The following PTPRK variants were observed in gnomAD, a reference collection of about 807,000 sequenced individuals.
PTPRK encodes the protein receptor-type tyrosine-protein phosphatase kappa.
Under a neutral mutation model 178.0 loss-of-function variants are expected in PTPRK, and 75 were observed. The ratio of observed to expected loss-of-function variants is 0.42; its 90% CI spans 0.35 to 0.51. The LOEUF (loss-of-function observed/expected upper bound fraction) is 0.51. Ranked by LOEUF, PTPRK falls within the 20% of genes least tolerant of loss-of-function variation. The probability of loss-of-function intolerance (pLI) is 0.02; values close to 1 mark genes in which losing one functional copy is unlikely to be tolerated. For missense variants in PTPRK, 1,441 were observed against 1,797.8 expected (o/e 0.80, Z 3.59); for synonymous variants, 637 against 620.6 (o/e 1.03, Z -0.39).
intron 1 of PTPRK, chr6:128,500,403 G>A (rs1855379468): frequency 6.6e-6 from 1 of 151,944 alleles, no homozygotes; most frequent in African/African-American, 2.4e-5. Flanking sequence ...GGCCACTACT[G>A]GTAAGCTTTC....
chr6:128,317,678 T>G (rs1240344044), intron 3 of PTPRK, among the ~76,000 whole-genome samples: 1 of 152,188 alleles, frequency 6.6e-6, no homozygotes, highest in Non-Finnish European at 1.5e-5. Context: ...GCTCCTTGAA[T>G]GCCTTCTTCT....
chr6:128,375,057 G>GCAT (rs567807048), intron 2 of PTPRK, among the ~76,000 whole-genome samples: 6,093 of 115,406 alleles, frequency 0.053, 169 homozygotes, highest in Non-Finnish European at 0.065. Context: ...TAGAAACACT[G>GCAT]CATTATTATT....
At chr6:128,104,750 A>T (rs982566974) in intron 7 of PTPRK, among the ~76,000 whole-genome samples, 3 of 152,348 alleles carry the variant, frequency 2.0e-5, no homozygotes, top group South Asian at 4.1e-4. Flanking sequence ...ATAAAATGAG[A>T]TTTAAACAAC....
At chr6:128,106,453 T>C (rs1789734509) in intron 7 of PTPRK, among the ~76,000 whole-genome samples, 2 of 152,202 alleles carry the variant, frequency 1.3e-5, no homozygotes, top group East Asian at 1.9e-4. Flanking sequence ...GCATGATTTC[T>C]GGATTACTTT....
At chr6:128,403,771 C>T (rs1364544227) in intron 1 of PTPRK, among the ~76,000 whole-genome samples, 5 of 152,096 alleles carry the variant, frequency 3.3e-5, no homozygotes, top group Admixed American at 3.3e-4. Flanking sequence ...ATTGCCAAAA[C>T]CAGTTTTACC....
chr6:128,326,348 A>G (rs1829562088), intron 2 of PTPRK, among the ~76,000 whole-genome samples: 2 of 152,186 alleles, frequency 1.3e-5, no homozygotes, highest in African/African-American at 4.8e-5. Context: ...TGGGAATTCC[A>G]TGTCTACAAA....
At chr6:128,252,245 A>C (rs1348684960) in intron 3 of PTPRK, among the ~76,000 whole-genome samples, 4 of 152,238 alleles carry the variant, frequency 2.6e-5, no homozygotes, top group Non-Finnish European at 5.9e-5. Context: ...TCCCTAATGT[A>C]ATCACTAAAA....
chr6:128,362,140 G>C (rs958544149), intron 2 of PTPRK, among the ~76,000 whole-genome samples: 8 of 152,184 alleles, frequency 5.3e-5, no homozygotes, highest in African/African-American at 1.9e-4. Flanking sequence ...GCATGGTGCT[G>C]AGCATGTCTG....
intron 1 of PTPRK, among the ~76,000 whole-genome samples, chr6:128,505,014 T>C (rs896683817): frequency 6.6e-6 from 1 of 151,994 alleles, no homozygotes; most frequent in Non-Finnish European, 1.5e-5. Context: ...AGATGTGCCA[T>C]AGAAGTTTTG....
At chr6:128,464,643 A>ATATATATATATGTATATG (rs1176235300) in intron 1 of PTPRK, among the ~76,000 whole-genome samples, 5 of 81,042 alleles carry the variant, frequency 6.2e-5, no homozygotes, top group African/African-American at 2.4e-4. Context: ...ATACACATAT[A>ATATATATATATGTATATG]TATATATATA....
At chr6:128,102,549 C>A (rs1218210069) in intron 7 of PTPRK, among the ~76,000 whole-genome samples, 1 of 152,154 alleles carries the variant, frequency 6.6e-6, no homozygotes, top group Non-Finnish European at 1.5e-5. Context: ...TGCAGAAAAT[C>A]TTCCCTGCCA....
intron 7 of PTPRK, among the ~76,000 whole-genome samples, chr6:128,106,193 CT>C (rs1467812858): frequency 6.6e-6 from 1 of 152,094 alleles, no homozygotes; most frequent in African/African-American, 2.4e-5. Context: ...ACCTGGCAAA[CT>C]TTATGAATAA....
intron 3 of PTPRK, among the ~76,000 whole-genome samples, chr6:128,307,392 T>A (rs1340469312): frequency 6.7e-6 from 1 of 149,720 alleles, no homozygotes; most frequent in Non-Finnish European, 1.5e-5. Context: ...TTAGAAGAAA[T>A]ATAGAATTAA....
chr6:128,317,178 T>C (rs1040899088), intron 3 of PTPRK, among the ~76,000 whole-genome samples: 5 of 152,166 alleles, frequency 3.3e-5, no homozygotes, highest in Admixed American at 6.6e-5. Flanking sequence ...CATACTATTT[T>C]ACTAAAGACA....
At chr6:128,113,336 T>C (rs948924309) in intron 7 of PTPRK, among the ~76,000 whole-genome samples, 7 of 151,056 alleles carry the variant, frequency 4.6e-5, no homozygotes, top group African/African-American at 1.7e-4. Flanking sequence ...TGCACATACA[T>C]AATTTCTAAT....
intron 2 of PTPRK, among the ~76,000 whole-genome samples, chr6:128,380,769 G>A (rs1002045465): frequency 1.3e-5 from 2 of 152,098 alleles, no homozygotes; most frequent in Non-Finnish European, 2.9e-5. Flanking sequence ...CCAAGGCACA[G>A]GTAAGACAGC....
In PTPRK at chr6:128,397,648, G is replaced by A; in HGVS notation, c.141C>T (p.Tyr47=). The change falls in exon 2 of 30, where the codon TAC becomes TAT. Residue 47 remains tyrosine (Y), a synonymous_variant. Transcript: ENST00000368226. Reference sequence around the variant, plus strand: ...CAAAGTCATCATACAGATCCTGGTGGTAATCACAGGCCCCTGGACCATCAT... The same window carrying A: ...CAAAGTCATCATACAGATCCTGGTGATAATCACAGGCCCCTGGACCATCAT... ...TFDDGPGACD[Y]HQDLYDDFEW... is the part of the protein sequence containing the mutation. 1 of 1,613,030 alleles carries A rather than the reference G, an allele frequency of 6.2e-7. No homozygotes were observed. Among genetic ancestry groups the A allele is most frequent in the Non-Finnish European group, 8.5e-7 (1 of 1,179,170 alleles).
At chr6:128,252,225 G>C (rs1816574941) in intron 3 of PTPRK, among the ~76,000 whole-genome samples, 1 of 152,138 alleles carries the variant, frequency 6.6e-6, no homozygotes, top group Non-Finnish European at 1.5e-5. Context: ...TTAGCCCAGG[G>C]AGTTGGCTAT....
At chr6:128,175,928 A>T (rs998911645) in intron 7 of PTPRK, among the ~76,000 whole-genome samples, 1 of 151,742 alleles carries the variant, frequency 6.6e-6, no homozygotes, top group African/African-American at 2.4e-5. Flanking sequence ...TAGAAAGAAA[A>T]CTCTAAATCA....
Sources: allele counts gnomAD v4.1 joint callset (sites outside exome capture counted in the v4.1 genomes callset), GRCh38; gene constraint gnomAD v4.1.1; transcripts MANE v1.5; gene names NCBI Gene and HGNC (gene_info 2026-07-23, HGNC 2026-07-21).